Variants in TBC1D22B observed in about 807,000 individuals in gnomAD.
TBC1D22B encodes chromosome 6 open reading frame 197.
In TBC1D22B, 32 loss-of-function variants were observed where a neutral mutation model predicts 69.1. The ratio of observed to expected loss-of-function variants is 0.46; its 90% CI spans 0.35 to 0.62. The LOEUF (loss-of-function observed/expected upper bound fraction) is 0.62. TBC1D22B is among the 20% of genes least tolerant of loss of function. The probability of loss-of-function intolerance (pLI) is 0.00; values close to 1 mark genes in which losing one functional copy is unlikely to be tolerated. For missense variants in TBC1D22B, 462 were observed against 630.9 expected (o/e 0.73, Z 2.87); for synonymous variants, 206 against 229.8 (o/e 0.90, Z 0.94).
At chr6:37,294,580 G>A (rs1367705159) in intron 8 of TBC1D22B, among the ~76,000 whole-genome samples, 1 of 152,184 alleles carries the variant, frequency 6.6e-6, no homozygotes, top group Non-Finnish European at 1.5e-5. Context: ...ACTTTAAGTT[G>A]AAGCCCGTGC....
In TBC1D22B at chr6:37,313,854, G is replaced by A. The variant is rs764240257; in HGVS notation, c.1128G>A (p.Lys376=). 2.0e-5 allele frequency: 33 copies of A among 1,614,072 alleles called. No homozygotes were observed. The South Asian group carries it at 3.2e-4, about 16-fold the overall frequency. The change falls in exon 10 of 13, where the codon AAG becomes AAA. Residue 376 remains lysine, a synonymous_variant. Coordinates refer to ENST00000373491, the MANE Select transcript of TBC1D22B (RefSeq NM_017772.4). The part of the protein sequence containing the change: ...YTFAQPGIQK[K]VKALEELVSR... ...TTGCACAACCAGGAATCCAGAAGAAGGTGAAGGCACTGGAAGAGCTTGTCA... is the reference window on the plus strand; with the variant it reads ...TTGCACAACCAGGAATCCAGAAGAAAGTGAAGGCACTGGAAGAGCTTGTCA...
At chr6:37,311,436 C>G (rs192292445) in intron 8 of TBC1D22B, among the ~76,000 whole-genome samples, 1 of 152,166 alleles carries the variant, frequency 6.6e-6, no homozygotes, top group East Asian at 1.9e-4. Flanking sequence ...CTTTGTGAGG[C>G]TGAGGTGTGA....
Position 37,287,531 on chromosome 6 carries a change from G to GGAA in TBC1D22B, c.867+459_867+460insGAA, listed in dbSNP as rs1184331666. ...TTTCATCTTCCCAAACTGGAACTCT[G>GGAA]TATCCATTAAATATTAACTCTCTTC... is the stretch of plus-strand genomic sequence containing the variant. On this transcript the variant is annotated intron_variant, in intron 7 of 12. Coordinates refer to ENST00000373491, the MANE Select transcript of TBC1D22B (RefSeq NM_017772.4). Among the ~76,000 whole-genome samples the GGAA allele has an allele frequency of 2.6e-5, 4 of 152,250 alleles. No homozygotes were observed. The East Asian group carries it at 7.7e-4, about 29-fold the overall frequency.
At chr6:37,263,974 G>T (rs1198647265) in intron 1 of TBC1D22B, among the ~76,000 whole-genome samples, 1 of 151,828 alleles carries the variant, frequency 6.6e-6, no homozygotes, top group Admixed American at 6.6e-5. Context: ...ATCATTTTCT[G>T]TACTTTTCTT....
chr6:37,308,966 G>A (rs566309073), intron 8 of TBC1D22B, among the ~76,000 whole-genome samples: 1 of 144,926 alleles, frequency 6.9e-6, no homozygotes, highest in African/African-American at 2.5e-5. Flanking sequence ...AAAAAAGACA[G>A]TGCCAGTGGC....
intron 12 of TBC1D22B, among the ~76,000 whole-genome samples, chr6:37,329,323 G>A (rs1040559819): frequency 2.0e-5 from 3 of 152,124 alleles, no homozygotes; most frequent in African/African-American, 4.8e-5. Flanking sequence ...CATGTAGACC[G>A]GCTTCGCTTG....
At position 37,288,051 on chromosome 6, in the gene TBC1D22B, G is replaced by C. The variant is rs978799717; in HGVS notation, c.867+979G>C. ...ACAGTAGCCAGGACACTAAGTACTA[G>C]TGCTCTTTTAACGGAACTTTCAGTT... On this transcript the variant is annotated intron_variant, in intron 7 of 12. Coordinates refer to ENST00000373491, the MANE Select transcript of TBC1D22B (RefSeq NM_017772.4). Among the ~76,000 whole-genome samples, 3 of 152,300 alleles carry C rather than the reference G, an allele frequency of 2.0e-5. No individual in the cohort carries two copies. The South Asian group carries it at 6.2e-4, about 32-fold the overall frequency.
At chr6:37,290,111 A>G (rs1385263113) in intron 7 of TBC1D22B, among the ~76,000 whole-genome samples, 1 of 152,086 alleles carries the variant, frequency 6.6e-6, no homozygotes, top group African/African-American at 2.4e-5. Flanking sequence ...CTAGATAACC[A>G]TCTCCAAAAA....
intron 7 of TBC1D22B, among the ~76,000 whole-genome samples, chr6:37,288,238 A>G (rs958167922): frequency 6.6e-6 from 1 of 152,228 alleles, no homozygotes; most frequent in Non-Finnish European, 1.5e-5. Flanking sequence ...TCATTATTTT[A>G]ACTATAAGAT....
At chr6:37,258,172 C>G in intron 1 of TBC1D22B, 199 bp downstream of exon 1, 1 of 589,962 alleles carries the variant, frequency 1.7e-6, no homozygotes, top group Non-Finnish European at 2.9e-6. Context: ...TGGGTGTAGA[C>G]CGGGGTCTGG....
chr6:37,328,966 A>G (rs140368253), intron 12 of TBC1D22B, among the ~76,000 whole-genome samples: 262 of 152,234 alleles, frequency 1.7e-3, no homozygotes, highest in Non-Finnish European at 3.2e-3. Context: ...ACCTCAAGTG[A>G]TTGGCCCACT....
At chr6:37,289,400 C>T (rs753521496) in intron 7 of TBC1D22B, among the ~76,000 whole-genome samples, 1 of 152,210 alleles carries the variant, frequency 6.6e-6, no homozygotes, top group African/African-American at 2.4e-5. Context: ...TTTTCTATAG[C>T]GAACATCCCA....
intron 8 of TBC1D22B, among the ~76,000 whole-genome samples, chr6:37,293,295 T>C (rs1288285484): frequency 6.6e-6 from 1 of 152,020 alleles, no homozygotes; most frequent in Non-Finnish European, 1.5e-5. Context: ...GCCAGGATGG[T>C]CTCGATCTCC....
intron 12 of TBC1D22B, among the ~76,000 whole-genome samples, chr6:37,329,599 A>C (rs1768525284): frequency 6.6e-6 from 1 of 152,260 alleles, no homozygotes; most frequent in African/African-American, 2.4e-5. Flanking sequence ...TACTGTAACC[A>C]AGACCTCAAA....
intron 8 of TBC1D22B, among the ~76,000 whole-genome samples, chr6:37,305,523 CT>C (rs35314504): frequency 0.035 from 5,065 of 145,430 alleles, 277 homozygotes; most frequent in African/African-American, 0.12. Flanking sequence ...TGCCTATTTC[CT>C]TTTTTTTTTT....
At chr6:37,258,676 A>T (rs1450195337) in intron 1 of TBC1D22B, among the ~76,000 whole-genome samples, 1 of 152,188 alleles carries the variant, frequency 6.6e-6, no homozygotes, top group Non-Finnish European at 1.5e-5. Flanking sequence ...GTTTAACTGG[A>T]GAGCAGACCC....
intron 10 of TBC1D22B, among the ~76,000 whole-genome samples, chr6:37,316,144 G>A (rs1463652843): frequency 6.6e-6 from 1 of 152,236 alleles, no homozygotes. Context: ...ACACCAAAGG[G>A]TGGGAGTGAG....
chr6:37,265,667 G>C (rs541858708), intron 1 of TBC1D22B, among the ~76,000 whole-genome samples: 88 of 150,976 alleles, frequency 5.8e-4, no homozygotes, highest in Non-Finnish European at 7.8e-4. Context: ...AATTAGTATT[G>C]TTTTCAAAGT....
intron 7 of TBC1D22B, 58 bp downstream of exon 7, chr6:37,287,130 G>A: frequency 6.9e-7 from 1 of 1,442,206 alleles, no homozygotes; most frequent in Non-Finnish European, 9.4e-7. Flanking sequence ...TGTGGCACCT[G>A]TTTACAGGTT....
Sources: gnomAD v4.1 joint callset for allele counts (sites outside exome capture counted in the v4.1 genomes callset) on GRCh38, gnomAD v4.1.1 for gene constraint, MANE v1.5 for transcripts, NCBI Gene and HGNC (gene_info 2026-07-23, HGNC 2026-07-21) for gene names.